PCDHGA6: variants seen among roughly 807,000 people sequenced by gnomAD.
PCDHGA6 encodes the protein protocadherin gamma-A6.
A neutral mutation model predicts 60.6 loss-of-function variants in PCDHGA6; 41 were observed. That is an observed-to-expected ratio of 0.68 (90% CI 0.53 to 0.88). The LOEUF is 0.88. Ranked by LOEUF, PCDHGA6 falls within the 40% of genes least tolerant of loss-of-function variation. PCDHGA6 has a pLI of 0.00. For missense variants in PCDHGA6, 1,312 were observed against 1,203.0 expected (o/e 1.09, Z -1.34); for synonymous variants, 594 against 524.4 (o/e 1.13, Z -1.81).
Position 141,485,422 on chromosome 5 carries a change from C to G in PCDHGA6, c.2425-9385C>G, listed in dbSNP as rs775279056. 6.2e-7 allele frequency: 1 copy of G among 1,614,130 alleles called. No homozygotes were observed. Among genetic ancestry groups the G allele is most frequent in the East Asian group, 2.2e-5 (1 of 44,872 alleles). ...TCCGTGTGGATTTGGACAGCGGAGC[C>G]CTGCTCATCAAGAACCCAATCGACC... On this transcript the variant is annotated intron_variant, in intron 1 of 3. Transcript: ENST00000517434. The surrounding 1 kb of genome is among the most constrained non-coding windows in gnomAD (Gnocchi z 5.7).
Position 141,383,215 on chromosome 5 carries a change from T to C in PCDHGA6, c.2424+6708T>C, listed in dbSNP as rs375026409. ...TCAGAGTGCGCGGTGTCTGGTAAAC[T>C]TTAACATCCTGATGGAAGATAAAAT... On this transcript the variant is annotated intron_variant, in intron 1 of 3. Coordinates refer to ENST00000517434, the MANE Select transcript of PCDHGA6 (RefSeq NM_018919.3). The C allele has an allele frequency of 5.6e-6, 9 of 1,613,884 alleles. No individual in the cohort carries two copies. The African/African-American group carries it at 1.2e-4, about 22-fold the overall frequency.
chr5:141,378,847 A>G (rs1235220529), intron 1 of PCDHGA6: 2 of 152,214 alleles, frequency 1.3e-5, no homozygotes, highest in Non-Finnish European at 2.9e-5. Flanking sequence ...AGAGTTTTTG[A>G]CTGTCAATGA....
At chr5:141,441,872 G>A (rs1400648028) in intron 1 of PCDHGA6, 4 of 341,526 alleles carry the variant, frequency 1.2e-5, no homozygotes, top group East Asian at 9.4e-5. Context: ...GCGGAGCCTG[G>A]CTACCTGGTC....
At chr5:141,395,926 A>G (rs2093327122) in intron 1 of PCDHGA6, 1 of 152,218 alleles carries the variant, frequency 6.6e-6, no homozygotes, top group South Asian at 2.1e-4. Flanking sequence ...TCTAAAGCCT[A>G]GAATGTCCAT....
chr5:141,408,752 G>A (rs780102602), intron 1 of PCDHGA6: 8 of 1,610,388 alleles, frequency 5.0e-6, no homozygotes, highest in Non-Finnish European at 5.9e-6. Flanking sequence ...AATGGTTAGA[G>A]TTAATTCCGA....
intron 1 of PCDHGA6, among the ~76,000 whole-genome samples, chr5:141,470,600 G>A (rs890975756): frequency 4.6e-5 from 7 of 152,142 alleles, no homozygotes; most frequent in South Asian, 2.1e-4. Context: ...CGACCTGTGC[G>A]GGGACACAGG....
At chr5:141,394,240 C>T in intron 1 of PCDHGA6, 1 of 1,613,940 alleles carries the variant, frequency 6.2e-7, no homozygotes, top group Non-Finnish European at 8.5e-7. Context: ...TCCTTGACTG[C>T]ACACGACCCC....
chr5:141,429,048 G>A (rs2097180589), intron 1 of PCDHGA6: 5 of 152,064 alleles, frequency 3.3e-5, no homozygotes, highest in Admixed American at 3.3e-4. Context: ...TACAGACGGG[G>A]TTTCACCGTG....
Position 141,388,695 on chromosome 5 carries a change from G to A in PCDHGA6, c.2424+12188G>A, listed in dbSNP as rs2091456760. On this transcript the variant is annotated intron_variant, in intron 1 of 3. Coordinates refer to ENST00000517434, the MANE Select transcript of PCDHGA6 (RefSeq NM_018919.3). ...ACAGGTGACTGCCACGGACCAGGAT[G>A]AGGGTGTCAATGCCGAGATTACTTT... The A allele has an allele frequency of 3.7e-6, 6 of 1,614,018 alleles. No homozygotes were observed. Among genetic ancestry groups the A allele is most frequent in the Middle Eastern group, 1.6e-4 (1 of 6,062 alleles).
At chr5:141,502,483 G>A (rs773081419) in intron 2 of PCDHGA6, among the ~76,000 whole-genome samples, 42 of 152,144 alleles carry the variant, frequency 2.8e-4, no homozygotes, top group Non-Finnish European at 4.7e-4. Context: ...GCATCACACT[G>A]GGACTCATCT....
At chr5:141,377,889 C>A (rs914946378) in intron 1 of PCDHGA6, 2 of 152,056 alleles carry the variant, frequency 1.3e-5, no homozygotes, top group Non-Finnish European at 2.9e-5. Flanking sequence ...AGATAGGATC[C>A]CCCTCTGTTG....
At chr5:141,390,632 A>G in intron 1 of PCDHGA6, 1 of 240,428 alleles carries the variant, frequency 4.2e-6, no homozygotes, top group Admixed American at 5.1e-5. Context: ...ATATATGATG[A>G]ATACTTTTTT....
chr5:141,466,984 C>A (rs2099133455), intron 1 of PCDHGA6, among the ~76,000 whole-genome samples: 1 of 151,586 alleles, frequency 6.6e-6, no homozygotes, highest in Non-Finnish European at 1.5e-5. Context: ...CATCATTTAC[C>A]TTTTGGCATT....
intron 2 of PCDHGA6, among the ~76,000 whole-genome samples, chr5:141,499,015 AG>A (rs2099788530): frequency 6.6e-6 from 1 of 151,284 alleles, no homozygotes; most frequent in Non-Finnish European, 1.5e-5. Context: ...GAAGGAAGGA[AG>A]GAAGGAAGGA....
Position 141,400,134 on chromosome 5 carries a change from G to A in PCDHGA6, c.2424+23627G>A, listed in dbSNP as rs373375631. The A allele has an allele frequency of 6.8e-6, 11 of 1,613,954 alleles. No homozygotes were observed. In the African/African-American group the frequency reaches 9.3e-5, roughly 14 times the overall value. Reference sequence around the variant, plus strand: ...CTGACAGCTTGCAGGAGGTGCTGCCGGATATCACTGACCGCCCTGTACCCT... The same window carrying A: ...CTGACAGCTTGCAGGAGGTGCTGCCAGATATCACTGACCGCCCTGTACCCT... On this transcript the variant is annotated intron_variant, in intron 1 of 3. Coordinates refer to ENST00000517434, the MANE Select transcript of PCDHGA6 (RefSeq NM_018919.3).
At chr5:141,383,225 T>G in intron 1 of PCDHGA6, 2 of 1,613,970 alleles carry the variant, frequency 1.2e-6, no homozygotes, top group Non-Finnish European at 1.7e-6. Context: ...TTTAACATCC[T>G]GATGGAAGAT....
chr5:141,376,763 T>A (rs1300525391), intron 1 of PCDHGA6: 1 of 425,102 alleles, frequency 2.4e-6, no homozygotes. Context: ...CTCGGCTCAC[T>A]GCAAGCTCCG....
chr5:141,484,219 C>T (rs766309865), intron 1 of PCDHGA6, among the ~76,000 whole-genome samples: 1 of 152,162 alleles, frequency 6.6e-6, no homozygotes, highest in Non-Finnish European at 1.5e-5. Context: ...TAGCATTCTG[C>T]CAGGTAAAGA....
chr5:141,439,297 G>T (rs1252051365), intron 1 of PCDHGA6, among the ~76,000 whole-genome samples: 1 of 152,064 alleles, frequency 6.6e-6, no homozygotes, highest in African/African-American at 2.4e-5. Context: ...CATGGAAAAA[G>T]TAAAGCCCAG....
Sources: allele counts gnomAD v4.1 joint callset (sites outside exome capture counted in the v4.1 genomes callset), GRCh38; gene constraint gnomAD v4.1.1; non-coding constraint Gnocchi (gnomAD v3.1); transcripts MANE v1.5; gene names NCBI Gene and HGNC (gene_info 2026-07-23, HGNC 2026-07-21).